PRMT8: variants seen among roughly 807,000 people sequenced by gnomAD.
PRMT8 encodes protein arginine methyltransferase 8, also known as protein arginine N-methyltransferase 8.
PRMT8 carries 7 observed loss-of-function variants against 47.1 expected under a neutral mutation model. The ratio of observed to expected loss-of-function variants is 0.15; its 90% confidence interval spans 0.08 to 0.28. The LOEUF (loss-of-function observed/expected upper bound fraction) is 0.28. Among genes scored for constraint, PRMT8 ranks in the 10% least tolerant of loss-of-function variants. The pLI is 1.00. For missense variants in PRMT8, 237 were observed against 505.4 expected (o/e 0.47, Z 5.09); for synonymous variants, 188 against 186.5 (o/e 1.01, Z -0.07).
At chr12:3,469,996 GAC>G (rs1865143024) in intron 1 of PRMT8, among the ~76,000 whole-genome samples, 1 of 152,178 alleles carries the variant, frequency 6.6e-6, no homozygotes, top group Non-Finnish European at 1.5e-5. Flanking sequence ...TGGGGGGAAT[GAC>G]ACCTCAACAC....
intron 8 of PRMT8, 31 bp from the exon 9 acceptor site, chr12:3,592,200 T>C: frequency 1.3e-6 from 2 of 1,539,516 alleles, no homozygotes; most frequent in Non-Finnish European, 1.7e-6. Flanking sequence ...TGACTCTTTC[T>C]TCCCACCTCC....
At chr12:3,519,673 A>G (rs1243935592) in intron 1 of PRMT8, among the ~76,000 whole-genome samples, 1 of 152,198 alleles carries the variant, frequency 6.6e-6, no homozygotes, top group East Asian at 1.9e-4. Context: ...CACCAGGGGC[A>G]GCTGTCAGTA....
chr12:3,554,520 A>C (rs945727404), intron 4 of PRMT8, among the ~76,000 whole-genome samples: 1 of 152,180 alleles, frequency 6.6e-6, no homozygotes, highest in Admixed American at 6.5e-5. Flanking sequence ...AGGAAGTTGC[A>C]ATACAGACAG....
At chr12:3,396,501 G>C (rs1375774657) in intron 1 of PRMT8, among the ~76,000 whole-genome samples, 1 of 152,134 alleles carries the variant, frequency 6.6e-6, no homozygotes, top group African/African-American at 2.4e-5. Context: ...TGAAATTCTG[G>C]GTTGAAAATT....
In PRMT8 at chr12:3,583,388, A is replaced by G. The variant is rs1867109562; in HGVS notation, c.979+180A>G. ...ATCCCTATATTTGTGCTGTCCAAGG[A>G]GAAGGTAAATAATGTTGTGGTTGTT... On this transcript the variant is annotated intron_variant, in intron 8 of 9. Transcript: ENST00000382622. The surrounding 1 kb of genome is among the most constrained non-coding windows in gnomAD (Gnocchi z 4.7). Among the ~76,000 whole-genome samples, 1 of 152,098 alleles carries G rather than the reference A, an allele frequency of 6.6e-6. No individual in the cohort carries two copies. Among genetic ancestry groups the G allele is most frequent in the South Asian group, 2.1e-4 (1 of 4,822 alleles).
upstream of PRMT8, among the ~76,000 whole-genome samples, chr12:3,490,890 A>T (rs1465298715): frequency 6.6e-6 from 1 of 151,834 alleles, no homozygotes. Context: ...GGAGGGTGCG[A>T]GTTAACTGTG....
chr12:3,591,291 C>T (rs979641721), intron 8 of PRMT8, among the ~76,000 whole-genome samples: 1 of 152,076 alleles, frequency 6.6e-6, no homozygotes, highest in African/African-American at 2.4e-5. Context: ...GGAACAAGAA[C>T]CATCCCTCAT....
intron 1 of PRMT8, among the ~76,000 whole-genome samples, chr12:3,420,039 G>C (rs758504442): frequency 1.2e-3 from 8 of 6,700 alleles, no homozygotes; most frequent in African/African-American, 2.0e-3. Flanking sequence ...GACAGACAGA[G>C]AGAGAGAGAG....
At chr12:3,465,230 A>T (rs1418074312) in intron 1 of PRMT8, among the ~76,000 whole-genome samples, 3 of 142,128 alleles carry the variant, frequency 2.1e-5, no homozygotes, top group Non-Finnish European at 3.1e-5. Flanking sequence ...TAAATATAAA[A>T]TATATATATT....
rs201032396 is a variant in PRMT8, at chr12:3,593,062, C to A, written c.1102-37C>A. On this transcript the variant is annotated intron_variant, in intron 9 of 9. Coordinates refer to ENST00000382622, the MANE Select transcript of PRMT8 (RefSeq NM_019854.5). The surrounding 1 kb of genome is among the most constrained non-coding windows in gnomAD (Gnocchi z 4.8). ...GTGGGGCTGTGGCTTCATACCCAGA[C>A]GGCCGCCTGACCCTTCGCTCTCTCT... 2 of 1,571,588 alleles carry A rather than the reference C, an allele frequency of 1.3e-6. No homozygotes were observed. The highest frequency in any genetic ancestry group is 4.5e-5 in the East Asian group (2 of 44,624).
intron 1 of PRMT8, among the ~76,000 whole-genome samples, chr12:3,410,571 C>T (rs575194913): frequency 1.5e-4 from 23 of 152,266 alleles, no homozygotes; most frequent in Admixed American, 5.2e-4. Flanking sequence ...TGCAGTGGCA[C>T]GATCTCGGCT....
At position 3,584,816 on chromosome 12, in the gene PRMT8, C is replaced by T. The variant is rs74056242; in HGVS notation, c.979+1608C>T. On this transcript the variant is annotated intron_variant, in intron 8 of 9. Transcript: ENST00000382622. Reference sequence around the variant, plus strand: ...TACACAGAGTTGTGTGAACCCTTTGCCCAGCTGCCCCATTGATGGTGTCTT... The same window carrying T: ...TACACAGAGTTGTGTGAACCCTTTGTCCAGCTGCCCCATTGATGGTGTCTT... Among the ~76,000 whole-genome samples, 972 of 152,222 alleles carry T rather than the reference C, an allele frequency of 6.4e-3. 11 individuals carry two copies. Among genetic ancestry groups the T allele is most frequent in the African/African-American group, 0.023 (940 of 41,506 alleles).
At chr12:3,474,038 T>C (rs1193626582) in intron 1 of PRMT8, among the ~76,000 whole-genome samples, 1 of 152,174 alleles carries the variant, frequency 6.6e-6, no homozygotes, top group African/African-American at 2.4e-5. Flanking sequence ...GTTTGTGGAT[T>C]CCCCCAGTCC....
At chr12:3,558,094 C>T (rs577132339) in intron 4 of PRMT8, among the ~76,000 whole-genome samples, 4 of 152,214 alleles carry the variant, frequency 2.6e-5, no homozygotes, top group Non-Finnish European at 4.4e-5. Context: ...GCCCTGCAGC[C>T]ATTCATAGCA....
intron 1 of PRMT8, among the ~76,000 whole-genome samples, chr12:3,521,622 T>A (rs1865882625): frequency 6.6e-6 from 1 of 152,164 alleles, no homozygotes; most frequent in Admixed American, 6.5e-5. Flanking sequence ...TTGATACCCT[T>A]GCTAAACAAG....
chr12:3,486,799 AT>A (rs1291515507), upstream of PRMT8, among the ~76,000 whole-genome samples: 17 of 152,336 alleles, frequency 1.1e-4, no homozygotes, highest in East Asian at 2.9e-3. Context: ...CCTCCCAGAT[AT>A]TGTTAAAGCA....
chr12:3,440,403 A>C (rs897989743), intron 1 of PRMT8, among the ~76,000 whole-genome samples: 4 of 152,182 alleles, frequency 2.6e-5, no homozygotes, highest in Non-Finnish European at 4.4e-5. Context: ...CAGAGGTTGC[A>C]GTGAGCCAAG....
At chr12:3,464,841 A>G (rs941109080) in intron 1 of PRMT8, among the ~76,000 whole-genome samples, 11 of 152,158 alleles carry the variant, frequency 7.2e-5, no homozygotes, top group Admixed American at 7.2e-4. Flanking sequence ...AAATTTTGCT[A>G]TGAAACCTGA....
At chr12:3,499,193 CTT>C (rs57788869) in intron 1 of PRMT8, among the ~76,000 whole-genome samples, 2,060 of 122,120 alleles carry the variant, frequency 0.017, 25 homozygotes, top group East Asian at 0.073. Flanking sequence ...TTTTTCCTTT[CTT>C]TTTTTTTTTT....
Sources: allele counts gnomAD v4.1 joint callset (sites outside exome capture counted in the v4.1 genomes callset), GRCh38; gene constraint gnomAD v4.1.1; non-coding constraint Gnocchi (gnomAD v3.1); transcripts MANE v1.5; gene names NCBI Gene and HGNC (gene_info 2026-07-23, HGNC 2026-07-21).